Variants in ARHGAP21 observed in about 807,000 individuals in gnomAD.
ARHGAP21 encodes the protein rho GTPase-activating protein 21.
In ARHGAP21, 38 loss-of-function variants were observed where a neutral mutation model predicts 164.6. The observed-to-expected ratio is 0.23, with a 90% CI of 0.18 to 0.30. ARHGAP21 has a LOEUF of 0.30. Among genes scored for constraint, ARHGAP21 ranks in the 10% least tolerant of loss-of-function variants. The probability of loss-of-function intolerance (pLI) is 1.00; values close to 1 mark genes in which losing one functional copy is unlikely to be tolerated. For synonymous variants in ARHGAP21, 766 were observed against 857.9 expected, an observed-to-expected ratio of 0.89 and a Z score of 1.87; for missense variants, 1,822 against 2,370.7, an observed-to-expected ratio of 0.77 and a Z score of 4.81.
intron 2 of ARHGAP21, among the ~76,000 whole-genome samples, chr10:24,709,178 A>G (rs894993233): frequency 6.6e-6 from 1 of 152,216 alleles, no homozygotes; most frequent in African/African-American, 2.4e-5. Context: ...ATAAATTCCT[A>G]GAAACATACA....
intron 4 of ARHGAP21, among the ~76,000 whole-genome samples, chr10:24,665,547 A>T (rs2131721167): frequency 6.6e-6 from 1 of 152,362 alleles, no homozygotes; most frequent in East Asian, 1.9e-4. Flanking sequence ...AATCTAGAAG[A>T]GGCAAAAATT....
Position 24,672,474 on chromosome 10 carries a change from T to C in ARHGAP21, c.64-2077A>G, listed in dbSNP as rs80193653. On this transcript the variant is annotated intron_variant, in intron 2 of 25. Transcript: ENST00000396432. ...TATACTCTGTCTTTTGGTGATTTCA[T>C]TCCATTTCCTACATTAAACACCGTC... 5.4e-3 allele frequency among the ~76,000 whole-genome samples: 828 copies of C among 152,330 alleles called. 6 individuals carry two copies. The highest frequency in any genetic ancestry group is 0.019 in the African/African-American group (785 of 41,566).
rs748645527 is a variant in ARHGAP21 at position 24,670,324 on chromosome 10, G to A, written c.137C>T (p.Pro46Leu). 2 of 1,608,484 alleles carry A rather than the reference G, an allele frequency of 1.2e-6. No homozygotes were observed. The highest frequency in any genetic ancestry group is 1.1e-5 in the South Asian group (1 of 90,260). Residue 46 changes from proline to leucine, a missense_variant, in exon 3 of 26, where the codon CCA becomes CTA. Coordinates refer to ENST00000396432, the MANE Select transcript of ARHGAP21 (RefSeq NM_020824.4). ...SLSEDETFSW[P>L]GPKTVTLKRT... is the part of the protein sequence containing the mutation. Reference sequence around the variant, plus strand: ...TTTCAACGTAACTGTTTTGGGACCTGGCCAGGAGAATGTTTCATCTTCAGA... The same window carrying A: ...TTTCAACGTAACTGTTTTGGGACCTAGCCAGGAGAATGTTTCATCTTCAGA...
Position 24,586,042 on chromosome 10 carries a change from G to C in ARHGAP21, c.4247C>G (p.Ala1416Gly), listed in dbSNP as rs751495726. ...CGGCTTCTTCCTCTTGCGACTAGCA[G>C]CTGCAAAGATGGAGGACACAAGCAG... ...RELLVSSIFAAASRKRKKPKE... is the reference protein window; with the variant it reads ...RELLVSSIFAGASRKRKKPKE... Residue 1416 changes from alanine to glycine, a missense_variant, in exon 26 of 26, where the codon GCT becomes GGT. This residue lies in a region of ARHGAP21 where 333 missense variants were observed against 383.9 expected (regional missense o/e 0.87). Transcript: ENST00000396432. The C allele has an allele frequency of 6.2e-6, 10 of 1,614,028 alleles. No individual in the cohort carries two copies. The highest frequency in any genetic ancestry group is 1.6e-4 in the Middle Eastern group (1 of 6,062).
At chr10:24,607,465 T>C (rs763416431) in intron 11 of ARHGAP21, 34 bp downstream of exon 11, 2 of 1,578,706 alleles carry the variant, frequency 1.3e-6, no homozygotes, top group African/African-American at 1.4e-5. Context: ...CCCACCCACA[T>C]ACAAATATTT....
At position 24,600,892 on chromosome 10, in the gene ARHGAP21, A is replaced by G. The variant is rs1307131791; in HGVS notation, c.2886T>C (p.Tyr962=). The G allele has an allele frequency of 6.2e-7, 1 of 1,613,386 alleles. No homozygotes were observed. The highest frequency in any genetic ancestry group is 8.5e-7 in the Non-Finnish European group (1 of 1,179,466). Residue 962 remains tyrosine, a synonymous_variant, in exon 14 of 26, where the codon TAT becomes TAC. Transcript: ENST00000396432. ...GGSIRPWKQM[Y]VVLRGHSLYL... ...AAAGTGAATGACCCCGAAGGACAAC[A>G]TACATCTGTTTCCATGGCCGAATAC...
intron 2 of ARHGAP21, among the ~76,000 whole-genome samples, chr10:24,704,918 T>G (rs1426080063): frequency 6.6e-6 from 1 of 152,118 alleles, no homozygotes; most frequent in Non-Finnish European, 1.5e-5. Context: ...TCAGAGACAT[T>G]GGCAACTAAA....
chr10:24,723,771 C>A lies in ARHGAP21; in HGVS notation c.-590G>T, dbSNP rs925605605. ...GCGACCTGCCCCGGCCGGCCCCGGG[C>A]TCTCGGCCGCCGCAGGAGGGCGTGG... On this transcript the variant is annotated 5_prime_UTR_variant, in exon 1 of 26. Coordinates refer to ENST00000396432, the MANE Select transcript of ARHGAP21 (RefSeq NM_020824.4). The A allele has an allele frequency of 2.1e-5, 3 of 146,166 alleles. No individual in the cohort carries two copies. The highest frequency in any genetic ancestry group is 2.0e-4 in the Admixed American group (3 of 14,764). The allele number at this position is 146,166 out of a possible 1,614,324, so 9.1% of individuals were successfully genotyped here.
chr10:24,674,877 T>C (rs971664681), intron 2 of ARHGAP21, among the ~76,000 whole-genome samples: 9 of 152,196 alleles, frequency 5.9e-5, no homozygotes, highest in African/African-American at 2.2e-4. Flanking sequence ...AAATGCAAAC[T>C]AAAACCATAA....
chr10:24,631,295 C>T (rs1327167745), intron 6 of ARHGAP21, among the ~76,000 whole-genome samples: 6 of 152,044 alleles, frequency 3.9e-5, no homozygotes, highest in Non-Finnish European at 5.9e-5. Context: ...ACCTGGGAGG[C>T]GGACATTGCA....
intron 4 of ARHGAP21, among the ~76,000 whole-genome samples, chr10:24,646,785 T>C (rs1387714318): frequency 6.6e-6 from 1 of 152,190 alleles, no homozygotes; most frequent in Non-Finnish European, 1.5e-5. Flanking sequence ...TATACAATGA[T>C]TTGATCATTA....
At chr10:24,696,555 T>C (rs1843195751) in intron 2 of ARHGAP21, among the ~76,000 whole-genome samples, 1 of 152,118 alleles carries the variant, frequency 6.6e-6, no homozygotes, top group African/African-American at 2.4e-5. Flanking sequence ...CTCGAGGCAG[T>C]AAAATGTGAC....
At chr10:24,678,006 A>C (rs1841419772) in intron 2 of ARHGAP21, among the ~76,000 whole-genome samples, 1 of 151,960 alleles carries the variant, frequency 6.6e-6, no homozygotes, top group South Asian at 2.1e-4. Flanking sequence ...TCATGCCTGT[A>C]ATCCCAGCAC....
At chr10:24,603,089 C>T (rs927650923) in intron 12 of ARHGAP21, among the ~76,000 whole-genome samples, 3 of 152,124 alleles carry the variant, frequency 2.0e-5, no homozygotes, top group Non-Finnish European at 4.4e-5. Context: ...CAAGGATAGC[C>T]ATGTAAACTT....
intron 2 of ARHGAP21, among the ~76,000 whole-genome samples, chr10:24,721,080 A>G (rs963330528): frequency 2.6e-5 from 4 of 152,162 alleles, no homozygotes; most frequent in African/African-American, 9.7e-5. Flanking sequence ...CCTGCTCAAA[A>G]ATTTTCAGGA....
At chr10:24,597,915 A>G in intron 15 of ARHGAP21, 30 bp downstream of exon 15, 1 of 1,599,678 alleles carries the variant, frequency 6.3e-7, no homozygotes, top group Non-Finnish European at 8.5e-7. Flanking sequence ...TTTATATCCA[A>G]ATTAACTGCA....
chr10:24,723,371 T>C (rs1414456425), intron 1 of ARHGAP21, 191 bp downstream of exon 1: 1 of 145,194 alleles, frequency 6.9e-6, no homozygotes, highest in Non-Finnish European at 1.5e-5. Flanking sequence ...CGCCCGCCCT[T>C]GCTCCGCACA....
At chr10:24,705,824 T>G (rs1358439772) in intron 2 of ARHGAP21, among the ~76,000 whole-genome samples, 4 of 152,210 alleles carry the variant, frequency 2.6e-5, no homozygotes, top group Non-Finnish European at 1.5e-5. Context: ...TCACGTTGCT[T>G]TCTATTCTGT....
At chr10:24,642,331 C>T (rs1224208504) in intron 4 of ARHGAP21, among the ~76,000 whole-genome samples, 4 of 151,516 alleles carry the variant, frequency 2.6e-5, no homozygotes, top group African/African-American at 7.3e-5. Flanking sequence ...CTGGCTAACA[C>T]GGTGAAACCC....
Sources: allele counts gnomAD v4.1 joint callset (sites outside exome capture counted in the v4.1 genomes callset), GRCh38; gene constraint gnomAD v4.1.1; regional missense constraint gnomAD v4.1.1; transcripts MANE v1.5; gene names NCBI Gene and HGNC (gene_info 2026-07-23, HGNC 2026-07-21).